TENM3: variants seen among roughly 807,000 people sequenced by gnomAD.
The protein encoded by TENM3 is teneurin-3.
A neutral mutation model predicts 255.1 loss-of-function variants in TENM3; 63 were observed. The observed-to-expected ratio is 0.25, with a 90% CI of 0.20 to 0.30. The LOEUF (loss-of-function observed/expected upper bound fraction) is 0.30. Among genes scored for constraint, TENM3 ranks in the 10% least tolerant of loss-of-function variants. The pLI is 1.00. For missense variants in TENM3, 2,929 were observed against 3,461.1 expected (o/e 0.85, Z 3.86); for synonymous variants, 1,306 against 1,322.3 (o/e 0.99, Z 0.27).
intron 3 of TENM3, among the ~76,000 whole-genome samples, chr4:182,561,726 ATTAT>A (rs996802522): frequency 5.9e-5 from 9 of 152,142 alleles, no homozygotes; most frequent in Admixed American, 5.2e-4. Flanking sequence ...TATGTAAGGG[ATTAT>A]TTAAGTATTA....
intron 2 of TENM3, among the ~76,000 whole-genome samples, chr4:182,330,312 G>A (rs572209717): frequency 3.9e-5 from 6 of 152,202 alleles, no homozygotes; most frequent in African/African-American, 1.4e-4. Context: ...ATGAAGAGGG[G>A]ACAGTCATGG....
At chr4:182,226,038 G>A (rs565547435) in intron 1 of TENM3, among the ~76,000 whole-genome samples, 9 of 152,222 alleles carry the variant, frequency 5.9e-5, no homozygotes, top group East Asian at 1.9e-4. Flanking sequence ...TAGCTAGAAC[G>A]TTGATCACTG....
chr4:181,472,029 C>A, the TENM3 span, among the ~76,000 whole-genome samples: 3 of 152,068 alleles, frequency 2.0e-5, no homozygotes, highest in Non-Finnish European at 4.4e-5. Flanking sequence ...GGACACTTGT[C>A]ACATGAGGGT....
the TENM3 span, among the ~76,000 whole-genome samples, chr4:181,679,439 C>T: frequency 3.3e-5 from 5 of 152,104 alleles, no homozygotes; most frequent in Admixed American, 6.6e-5. Context: ...CTTAACATAT[C>T]GGTTTAAAAT....
the TENM3 span, among the ~76,000 whole-genome samples, chr4:181,592,566 CTTGGGG>C: frequency 1.7e-4 from 26 of 151,710 alleles, no homozygotes; most frequent in African/African-American, 6.0e-4. Context: ...TTGTTCCTGA[CTTGGGG>C]TTTGGCTGGT....
chr4:182,567,951 A>G (rs1743963290), intron 3 of TENM3, among the ~76,000 whole-genome samples: 1 of 152,108 alleles, frequency 6.6e-6, no homozygotes, highest in Non-Finnish European at 1.5e-5. Flanking sequence ...GTATTTCTTC[A>G]TAGAATGAAT....
chr4:182,165,852 T>C (rs1751673056), intron 1 of TENM3, among the ~76,000 whole-genome samples: 1 of 152,194 alleles, frequency 6.6e-6, no homozygotes, highest in Non-Finnish European at 1.5e-5. Context: ...CTCGGCTCAC[T>C]ACAACCTCCA....
the TENM3 span, chr4:181,874,625 A>G: frequency 1.3e-5 from 2 of 152,306 alleles, no homozygotes; most frequent in Non-Finnish European, 2.9e-5. Context: ...ATCACATGGA[A>G]TCTTGCCCTC....
chr4:182,394,082 C>T (rs1360713667), intron 3 of TENM3, among the ~76,000 whole-genome samples: 1 of 151,910 alleles, frequency 6.6e-6, no homozygotes, highest in Non-Finnish European at 1.5e-5. Flanking sequence ...TAAACATCAC[C>T]GTTGGGCTAT....
the TENM3 span, among the ~76,000 whole-genome samples, chr4:181,609,079 A>G: frequency 6.6e-6 from 1 of 152,110 alleles, no homozygotes; most frequent in Admixed American, 6.5e-5. Context: ...AAAGGAAGAC[A>G]GGAAAGGAGA....
chr4:182,562,128 A>G (rs1386998264), intron 3 of TENM3, among the ~76,000 whole-genome samples: 9 of 152,178 alleles, frequency 5.9e-5, no homozygotes, highest in Non-Finnish European at 4.4e-5. Context: ...CATTTTCACA[A>G]AATGTATGTG....
chr4:182,536,669 G>A (rs760212070), intron 3 of TENM3, among the ~76,000 whole-genome samples: 12 of 151,932 alleles, frequency 7.9e-5, no homozygotes, highest in Non-Finnish European at 1.3e-4. Flanking sequence ...ATGGCTTGGC[G>A]GAACGCTGGG....
intron 3 of TENM3, among the ~76,000 whole-genome samples, chr4:182,513,214 C>T (rs1737590310): frequency 6.6e-6 from 1 of 151,986 alleles, no homozygotes; most frequent in Non-Finnish European, 1.5e-5. Context: ...AGTTTTCCTG[C>T]TATTAAAAGG....
chr4:181,468,816 A>G, the TENM3 span, among the ~76,000 whole-genome samples: 1 of 152,216 alleles, frequency 6.6e-6, no homozygotes, highest in Admixed American at 6.5e-5. Context: ...TCACTGATTT[A>G]ACACGCTTTT....
At chr4:181,613,754 G>A in the TENM3 span, among the ~76,000 whole-genome samples, 1 of 152,168 alleles carries the variant, frequency 6.6e-6, no homozygotes, top group East Asian at 1.9e-4. Flanking sequence ...TGTGATTGGG[G>A]GGCCCCTTTC....
the TENM3 span, among the ~76,000 whole-genome samples, chr4:181,956,029 A>G: frequency 6.6e-6 from 1 of 152,236 alleles, no homozygotes; most frequent in Non-Finnish European, 1.5e-5. Context: ...GATTTTCACA[A>G]TTCTGGAGGC....
At chr4:181,604,206 A>C in the TENM3 span, among the ~76,000 whole-genome samples, 4 of 152,198 alleles carry the variant, frequency 2.6e-5, no homozygotes, top group Non-Finnish European at 5.9e-5. Flanking sequence ...CGGAGCTTGC[A>C]GTGAGCCGAG....
chr4:182,755,005 C>G lies in TENM3; in HGVS notation c.4638C>G (p.Ser1546Arg). 3 of 1,613,972 alleles carry G rather than the reference C, an allele frequency of 1.9e-6. No homozygotes were observed. Among genetic ancestry groups the G allele is most frequent in the Non-Finnish European group, 2.5e-6 (3 of 1,179,866 alleles). Residue 1546 changes from serine (S) to arginine (R), a missense_variant, in exon 22 of 28, where the codon AGC becomes AGG. Physicochemically the swap from Ser to Arg is moderately radical, Grantham distance 110. Coordinates refer to ENST00000511685, the MANE Select transcript of TENM3 (RefSeq NM_001080477.4). ...CTGGTGATTACCTTTACAATTTTAGCTACAGCAATGACAATGATATTACTG... is the reference window on the plus strand; with the variant it reads ...CTGGTGATTACCTTTACAATTTTAGGTACAGCAATGACAATGATATTACTG... ...LVTGDYLYNF[S>R]YSNDNDITAV...
chr4:181,735,635 C>T, the TENM3 span, among the ~76,000 whole-genome samples: 1 of 152,090 alleles, frequency 6.6e-6, no homozygotes, highest in African/African-American at 2.4e-5. Context: ...CCCACCCAGA[C>T]ATCTCTCTTA....
Sources: allele counts gnomAD v4.1 joint callset (sites outside exome capture counted in the v4.1 genomes callset), GRCh38; gene constraint gnomAD v4.1.1; transcripts MANE v1.5; gene names NCBI Gene and HGNC (gene_info 2026-07-23, HGNC 2026-07-21).